The following PTCHD4 variants were observed in gnomAD, a reference collection of about 807,000 sequenced individuals.
PTCHD4 encodes patched domain-containing protein 4.
In PTCHD4, 33 loss-of-function variants were observed where a neutral mutation model predicts 58.1. The observed-to-expected ratio is 0.57, with a 90% CI of 0.43 to 0.76. The LOEUF (loss-of-function observed/expected upper bound fraction) is 0.76, where lower values mean the gene tolerates loss of function less well. PTCHD4 is among the 30% of genes least tolerant of loss of function. The pLI is 0.00. For synonymous variants in PTCHD4, 478 were observed against 409.6 expected, an observed-to-expected ratio of 1.17 and a Z score of -2.02; for missense variants, 1,058 against 1,027.1, an observed-to-expected ratio of 1.03 and a Z score of -0.41.
chr6:47,923,132 C>T (rs1208277788), intron 4 of PTCHD4, among the ~76,000 whole-genome samples: 1 of 152,118 alleles, frequency 6.6e-6, no homozygotes, highest in African/African-American at 2.4e-5. Flanking sequence ...ATCAGATATA[C>T]TGACTCTTCT....
chr6:47,930,835 C>T (rs1765791828), intron 4 of PTCHD4, among the ~76,000 whole-genome samples: 2 of 152,038 alleles, frequency 1.3e-5, no homozygotes, highest in South Asian at 4.2e-4. Context: ...GCTCTGTTGC[C>T]CAGGCTGGAG....
At chr6:47,917,192 T>C (rs1004274603) in intron 4 of PTCHD4, among the ~76,000 whole-genome samples, 1 of 152,150 alleles carries the variant, frequency 6.6e-6, no homozygotes, top group Non-Finnish European at 1.5e-5. Flanking sequence ...ATTTATATAT[T>C]TTTTTCAATA....
rs373645453 is a variant in PTCHD4, at chr6:47,869,658, C to T, written c.*8645G>A. Reference sequence around the variant, plus strand: ...GCTTCAGAATGCTTTATCTTAACCACGGAGAGATAATTGATATATATCATC... The same window carrying T: ...GCTTCAGAATGCTTTATCTTAACCATGGAGAGATAATTGATATATATCATC... On this transcript the variant is annotated 3_prime_UTR_variant, in exon 5 of 5. Coordinates refer to ENST00000339488, the MANE Select transcript of PTCHD4 (RefSeq NM_001384253.1). 5.9e-5 allele frequency among the ~76,000 whole-genome samples: 9 copies of T among 151,442 alleles called. No homozygotes were observed. The highest frequency in any genetic ancestry group is 5.9e-4 in the East Asian group (3 of 5,124).
At chr6:48,063,659 G>A (rs986163566) in intron 3 of PTCHD4, among the ~76,000 whole-genome samples, 2 of 152,122 alleles carry the variant, frequency 1.3e-5, no homozygotes, top group East Asian at 1.9e-4. Context: ...TTAAAAACTT[G>A]TAAAGATTAA....
intron 3 of PTCHD4, among the ~76,000 whole-genome samples, chr6:48,056,981 A>G (rs1764428713): frequency 6.6e-6 from 1 of 152,220 alleles, no homozygotes; most frequent in Non-Finnish European, 1.5e-5. Context: ...ACATACTTAA[A>G]CCAAAAAGTT....
chr6:48,052,935 G>A (rs1242061388), intron 3 of PTCHD4, among the ~76,000 whole-genome samples: 2 of 152,112 alleles, frequency 1.3e-5, no homozygotes, highest in Non-Finnish European at 2.9e-5. Context: ...GACTTCTAAT[G>A]GAAAAGCTTT....
At chr6:48,100,706 C>T (rs914165574) in intron 1 of PTCHD4, among the ~76,000 whole-genome samples, 2 of 152,166 alleles carry the variant, frequency 1.3e-5, no homozygotes, top group East Asian at 1.9e-4. Flanking sequence ...GCTATTTAAG[C>T]CCTGATATTC....
intron 1 of PTCHD4, among the ~76,000 whole-genome samples, chr6:48,099,259 G>C (rs1321131743): frequency 6.6e-6 from 1 of 152,110 alleles, no homozygotes; most frequent in African/African-American, 2.4e-5. Flanking sequence ...CTGCTTCCAG[G>C]GCCAGCAGTT....
At position 48,068,369 on chromosome 6, in the gene PTCHD4, T is replaced by C. The variant is rs776348743; in HGVS notation, c.278A>G (p.Gln93Arg). The C allele has an allele frequency of 1.9e-5, 31 of 1,613,960 alleles. No homozygotes were observed. Among genetic ancestry groups the C allele is most frequent in the Non-Finnish European group, 2.6e-5 (31 of 1,179,884 alleles). The change falls in exon 3 of 5, where the codon CAG becomes CGG. Residue 93 changes from glutamine (Q) to arginine (R), a missense_variant. Transcript: ENST00000339488. The surrounding 1 kb of genome is among the most constrained non-coding windows in gnomAD (Gnocchi z 4.2). Reference sequence around the variant, plus strand: ...GTCCGAATAGAGCTGGCTTTTGGACTGGTCCAGGGGGAAAAGGCTGCTGGC... The same window carrying C: ...GTCCGAATAGAGCTGGCTTTTGGACCGGTCCAGGGGGAAAAGGCTGCTGGC... ...SLASSLFPLD[Q>R]SKSQLYSDLH...
chr6:48,009,044 C>G lies in PTCHD4; in HGVS notation c.488G>C (p.Arg163Pro). 6.2e-7 allele frequency: 1 copy of G among 1,613,820 alleles called. No individual in the cohort carries two copies. Residue 163 changes from arginine to proline, a missense_variant, in exon 4 of 5, where the codon CGG becomes CCG. Transcript: ENST00000339488. ...VVEVPNSKDQ[R>P]VKSARAIQIT... The stretch of plus-strand genomic sequence containing the variant: ...TTGAATGGCTCTGGCTGACTTGACC[C>G]GCTGATCTTTGCTGTTTGGCACTTC...
chr6:47,889,428 A>C (rs1247385544), intron 4 of PTCHD4, among the ~76,000 whole-genome samples: 1 of 150,132 alleles, frequency 6.7e-6, no homozygotes, highest in Admixed American at 6.7e-5. Context: ...GCATTTTTTC[A>C]TGTGTTTTTT....
rs1013580214 is a variant in PTCHD4, at chr6:47,857,410, T to C, written c.*20893A>G. Among the ~76,000 whole-genome samples the C allele has an allele frequency of 6.6e-6, 1 of 152,060 alleles. No individual in the cohort carries two copies. The highest frequency in any genetic ancestry group is 2.4e-5 in the African/African-American group (1 of 41,434). On this transcript the variant is annotated 3_prime_UTR_variant, in exon 5 of 5. Transcript: ENST00000339488. ...AAAAAGTATCTTGCTTCTTAAAACT[T>C]CTGCACTGCAGCAAGACGGTATCAC...
rs1763691365 is a variant in PTCHD4, at chr6:47,870,619, T to G, written c.*7684A>C. On this transcript the variant is annotated 3_prime_UTR_variant, in exon 5 of 5. Coordinates refer to ENST00000339488, the MANE Select transcript of PTCHD4 (RefSeq NM_001384253.1). ...AAGGACTTTTGGTTTGGGTTCTTAG[T>G]AAGATCAAAAATAGGTACTTTTAGA... Among the ~76,000 whole-genome samples, 1 of 151,648 alleles carries G rather than the reference T, an allele frequency of 6.6e-6. No individual in the cohort carries two copies. Among genetic ancestry groups the G allele is most frequent in the Admixed American group, 6.6e-5 (1 of 15,188 alleles).
At chr6:48,090,211 A>G (rs76068361) in intron 1 of PTCHD4, among the ~76,000 whole-genome samples, 7,114 of 152,290 alleles carry the variant, frequency 0.047, 269 homozygotes, top group Middle Eastern at 0.079. Context: ...TATTAAGTAA[A>G]TATGCATTCA....
In PTCHD4 at chr6:48,068,767, C is replaced by G; in HGVS notation, c.6-126G>C. ...CACCCACTCCGCGCTCACCCCACAACCACTCCGCCTGGTCTTTCCCCGGCC... is the reference window on the plus strand; with the variant it reads ...CACCCACTCCGCGCTCACCCCACAAGCACTCCGCCTGGTCTTTCCCCGGCC... On this transcript the variant is annotated intron_variant, in intron 2 of 4. Coordinates refer to ENST00000339488, the MANE Select transcript of PTCHD4 (RefSeq NM_001384253.1). This position sits in a 1 kb window ranked among gnomAD's most constrained non-coding sequence, Gnocchi z 4.2. 2 of 836,554 alleles carry G rather than the reference C, an allele frequency of 2.4e-6. No homozygotes were observed. Among genetic ancestry groups the G allele is most frequent in the Non-Finnish European group, 3.6e-6 (2 of 553,750 alleles). 51.8% of individuals were successfully genotyped at this position (836,554 alleles called of 1,614,324 possible).
rs1763513846 is a variant in PTCHD4, at chr6:47,864,776, G to A, written c.*13527C>T. ...CCATGTATGTGTGAAATATTTGACAGGACAATTATACCATAGGAAAAGTTT... is the reference window on the plus strand; with the variant it reads ...CCATGTATGTGTGAAATATTTGACAAGACAATTATACCATAGGAAAAGTTT... On this transcript the variant is annotated 3_prime_UTR_variant, in exon 5 of 5. Coordinates refer to ENST00000339488, the MANE Select transcript of PTCHD4 (RefSeq NM_001384253.1). Among the ~76,000 whole-genome samples the A allele has an allele frequency of 1.3e-5, 2 of 151,894 alleles. No individual in the cohort carries two copies. The highest frequency in any genetic ancestry group is 6.6e-5 in the Admixed American group (1 of 15,232).
chr6:47,996,204 A>C (rs1212600363), intron 4 of PTCHD4, among the ~76,000 whole-genome samples: 1 of 152,206 alleles, frequency 6.6e-6, no homozygotes, highest in East Asian at 1.9e-4. Flanking sequence ...GCGGTGGCTC[A>C]TGCCTGTAAT....
intron 4 of PTCHD4, among the ~76,000 whole-genome samples, chr6:47,915,956 G>A (rs150215686): frequency 1.5e-4 from 23 of 152,096 alleles, no homozygotes; most frequent in Non-Finnish European, 3.1e-4. Context: ...AAAGATTTCC[G>A]AGCTGCAGAA....
chr6:47,890,815 T>C, intron 4 of PTCHD4: 1 of 784,616 alleles, frequency 1.3e-6, no homozygotes, highest in African/African-American at 1.9e-5. Flanking sequence ...ACACACAGGA[T>C]GGCTTGCTTT....
Sources: allele counts gnomAD v4.1 joint callset (sites outside exome capture counted in the v4.1 genomes callset), GRCh38; gene constraint gnomAD v4.1.1; non-coding constraint Gnocchi (gnomAD v3.1); transcripts MANE v1.5; gene names NCBI Gene and HGNC (gene_info 2026-07-23, HGNC 2026-07-21).